HECW1: variants seen among roughly 807,000 people sequenced by gnomAD.
HECW1 encodes the protein HECT, C2 and WW domain containing E3 ubiquitin protein ligase 1, also known as E3 ubiquitin-protein ligase HECW1.
HECW1 carries 61 observed loss-of-function variants against 182.3 expected under a neutral mutation model. The ratio of observed to expected loss-of-function variants is 0.33; its 90% CI spans 0.27 to 0.41. The LOEUF (loss-of-function observed/expected upper bound fraction) is 0.41. Among genes scored for constraint, HECW1 ranks in the 10% least tolerant of loss-of-function variants. HECW1 has a pLI of 1.00. For missense variants in HECW1, 1,739 were observed against 2,108.9 expected, an observed-to-expected ratio of 0.82 and a Z score of 3.44; for synonymous variants, 859 against 832.6, an observed-to-expected ratio of 1.03 and a Z score of -0.55.
At chr7:43,464,148 T>C (rs2077678579) in intron 14 of HECW1, among the ~76,000 whole-genome samples, 1 of 152,238 alleles carries the variant, frequency 6.6e-6, no homozygotes, top group Non-Finnish European at 1.5e-5. Context: ...TATTGTTAAG[T>C]AAATGTTTTA....
At chr7:43,164,408 G>T (rs924290217) in intron 2 of HECW1, among the ~76,000 whole-genome samples, 1 of 152,188 alleles carries the variant, frequency 6.6e-6, no homozygotes, top group Non-Finnish European at 1.5e-5. Flanking sequence ...GGTGCCAGTG[G>T]GGCCTCCTGG....
intron 6 of HECW1, among the ~76,000 whole-genome samples, chr7:43,387,490 A>G (rs1249949737): frequency 6.6e-6 from 1 of 152,234 alleles, no homozygotes. Flanking sequence ...ATAACCAACT[A>G]GAGAAACAGG....
At chr7:43,429,913 C>T (rs962360770) in intron 8 of HECW1, among the ~76,000 whole-genome samples, 1 of 152,210 alleles carries the variant, frequency 6.6e-6, no homozygotes, top group Non-Finnish European at 1.5e-5. Context: ...ATGTCATGAC[C>T]TATGTCACAC....
chr7:43,137,444 T>C (rs1166020357), intron 2 of HECW1, among the ~76,000 whole-genome samples: 1 of 152,232 alleles, frequency 6.6e-6, no homozygotes, highest in Non-Finnish European at 1.5e-5. Flanking sequence ...CATCAGTAGA[T>C]TCCGCACATT....
chr7:43,445,132 ACCGGGAGCGAGAGCGACTCCAGCC>A lies in HECW1; in HGVS notation c.1963_1986del (p.Gly655_Pro662del), dbSNP rs1390406169. 3 of 1,609,420 alleles carry A rather than the reference ACCGGGAGCGAGAGCGACTCCAGCC, an allele frequency of 1.9e-6. No individual in the cohort carries two copies. The highest frequency in any genetic ancestry group is 2.5e-6 in the Non-Finnish European group (3 of 1,178,820). On this transcript the variant is annotated inframe_deletion, in exon 11 of 30. Coordinates refer to ENST00000395891, the MANE Select transcript of HECW1 (RefSeq NM_015052.5). The stretch of plus-strand genomic sequence containing the variant: ...CCAGGATGGCGACACGCACCCCAGC[ACCGGGAGCGAGAGCGACTCCAGCC>A]CCAGGCAAGGCGGGGACCACAGTTG...
chr7:43,340,377 C>T lies in HECW1; in HGVS notation c.460+19635C>T, dbSNP rs112825788. On this transcript the variant is annotated intron_variant, in intron 5 of 29. Coordinates refer to ENST00000395891, the MANE Select transcript of HECW1 (RefSeq NM_015052.5). ...CTGGGATTACAGTCGCCAGCCATCA[C>T]GCCCAGCTAATTTTTGTATTTTTAG... 2.2e-3 allele frequency among the ~76,000 whole-genome samples: 330 copies of T among 151,340 alleles called. 2 individuals carry two copies. Among genetic ancestry groups the T allele is most frequent in the Non-Finnish European group, 3.6e-3 (245 of 67,972 alleles).
At chr7:43,322,684 TG>T (rs1396804718) in intron 5 of HECW1, among the ~76,000 whole-genome samples, 11 of 152,156 alleles carry the variant, frequency 7.2e-5, no homozygotes, top group Non-Finnish European at 1.0e-4. Context: ...CTCCAGCAAG[TG>T]GTACCTGATA....
At position 43,561,905 on chromosome 7, in the gene HECW1, C is replaced by A; in HGVS notation, c.4800C>A (p.Thr1600=). ...YEKLLTAVEE[T]STFGLE ...AGCTGTTAACAGCAGTAGAGGAAACCAGCACCTTTGGACTTGAGTGAGGAC... is the reference window on the plus strand; with the variant it reads ...AGCTGTTAACAGCAGTAGAGGAAACAAGCACCTTTGGACTTGAGTGAGGAC... Residue 1600 remains threonine, a synonymous_variant, in exon 30 of 30, where the codon ACC becomes ACA. Transcript: ENST00000395891. The A allele has an allele frequency of 6.2e-7, 1 of 1,611,324 alleles. No homozygotes were observed. The highest frequency in any genetic ancestry group is 8.5e-7 in the Non-Finnish European group (1 of 1,177,426).
intron 6 of HECW1, among the ~76,000 whole-genome samples, chr7:43,371,490 G>T (rs1270690746): frequency 6.6e-6 from 1 of 151,980 alleles, no homozygotes; most frequent in Non-Finnish European, 1.5e-5. Context: ...TTTTTTAAAT[G>T]CTCCAATCAG....
intron 2 of HECW1, among the ~76,000 whole-genome samples, chr7:43,177,204 A>T (rs1339378491): frequency 6.6e-6 from 1 of 152,112 alleles, no homozygotes; most frequent in East Asian, 1.9e-4. Context: ...GCTCTCTCAC[A>T]CATTTGGGAT....
At chr7:43,359,842 T>C (rs144268097) in intron 5 of HECW1, among the ~76,000 whole-genome samples, 49 of 152,324 alleles carry the variant, frequency 3.2e-4, no homozygotes, top group African/African-American at 1.2e-3. Context: ...GACCAAGACA[T>C]AGCCTGGTAA....
rs963832548 is a variant in HECW1 at position 43,508,070 on chromosome 7, G to T, written c.3805G>T (p.Ala1269Ser). ...LLEGTFNQVM[A>S]YSRKELQRNK... ...GGAGGGAACCTTCAATCAGGTGATGGCCTATTCGCGGAAAGAGCTCCAGCG... is the reference window on the plus strand; with the variant it reads ...GGAGGGAACCTTCAATCAGGTGATGTCCTATTCGCGGAAAGAGCTCCAGCG... Residue 1269 changes from alanine (A) to serine (S), a missense_variant, in exon 23 of 30, where the codon GCC (alanine) becomes TCC (serine). Ala to Ser is a moderately conservative substitution (Grantham distance 99). Around this residue, in one of 5 missense-constraint regions of HECW1, gnomAD observed 420 missense variants for 595.7 expected, o/e 0.71. Coordinates refer to ENST00000395891, the MANE Select transcript of HECW1 (RefSeq NM_015052.5). 1.2e-6 allele frequency: 2 copies of T among 1,614,044 alleles called. No homozygotes were observed. Among genetic ancestry groups the T allele is most frequent in the South Asian group, 2.2e-5 (2 of 91,084 alleles).
At chr7:43,308,891 G>A (rs1808139687) in intron 3 of HECW1, among the ~76,000 whole-genome samples, 1 of 152,030 alleles carries the variant, frequency 6.6e-6, no homozygotes, top group African/African-American at 2.4e-5. Context: ...CAAAGTGCTG[G>A]GATTACAGGC....
intron 2 of HECW1, among the ~76,000 whole-genome samples, chr7:43,170,790 C>T (rs1013188566): frequency 1.3e-5 from 2 of 152,066 alleles, no homozygotes; most frequent in Non-Finnish European, 2.9e-5. Flanking sequence ...GCCCAGCTGA[C>T]CGTGCAAAGG....
chr7:43,450,722 C>T, intron 11 of HECW1, 106 bp from the exon 12 acceptor site: 1 of 712,132 alleles, frequency 1.4e-6, no homozygotes, highest in South Asian at 1.6e-5. Context: ...GGATTTCCCA[C>T]TCTTTGGGGT....
At chr7:43,342,763 C>T (rs1300726668) in intron 5 of HECW1, among the ~76,000 whole-genome samples, 3 of 151,792 alleles carry the variant, frequency 2.0e-5, no homozygotes, top group Non-Finnish European at 4.4e-5. Flanking sequence ...TGGTGGCTCA[C>T]GCCTGTAATC....
intron 7 of HECW1, among the ~76,000 whole-genome samples, chr7:43,400,161 A>G (rs953877227): frequency 2.0e-5 from 3 of 152,208 alleles, no homozygotes; most frequent in African/African-American, 4.8e-5. Context: ...ACTTGAGCCC[A>G]GGGGTTAGAG....
At chr7:43,478,270 G>A (rs768895383) in intron 16 of HECW1, among the ~76,000 whole-genome samples, 2 of 152,112 alleles carry the variant, frequency 1.3e-5, no homozygotes, top group Non-Finnish European at 2.9e-5. Flanking sequence ...TACAAAATTA[G>A]CTGGGTGTGG....
intron 8 of HECW1, among the ~76,000 whole-genome samples, chr7:43,436,025 G>A (rs912114451): frequency 3.9e-5 from 6 of 152,076 alleles, no homozygotes; most frequent in East Asian, 1.9e-4. Flanking sequence ...TTAGCTGGAC[G>A]TGGTGGCAGA....
Sources: gnomAD v4.1 joint callset for allele counts (sites outside exome capture counted in the v4.1 genomes callset) on GRCh38, gnomAD v4.1.1 for gene constraint, gnomAD v4.1.1 regional missense constraint, MANE v1.5 for transcripts, NCBI Gene and HGNC (gene_info 2026-07-23, HGNC 2026-07-21) for gene names.